OGFRL1: variants seen among roughly 807,000 people sequenced by gnomAD.
OGFRL1 encodes opioid growth factor receptor-like protein 1.
A neutral mutation model predicts 32.4 loss-of-function variants in OGFRL1; 26 were observed. The ratio of observed to expected loss-of-function variants is 0.80; its 90% CI spans 0.59 to 1.11. The LOEUF is 1.11. Ranked by LOEUF, OGFRL1 falls within the 50% of genes most tolerant of loss-of-function variation. The pLI, the probability that OGFRL1 is intolerant of heterozygous loss-of-function variation, is 0.00. For missense variants in OGFRL1, 521 were observed against 546.4 expected, an observed-to-expected ratio of 0.95 and a Z score of 0.46; for synonymous variants, 211 against 201.2, an observed-to-expected ratio of 1.05 and a Z score of -0.41.
rs1766611101 is a variant in OGFRL1, at chr6:71,308,110, C to T, written c.*6061C>T. 1 of 152,208 alleles carries T rather than the reference C, an allele frequency of 6.6e-6. No homozygotes were observed. Among genetic ancestry groups the T allele is most frequent in the Non-Finnish European group, 1.5e-5 (1 of 68,038 alleles). The allele number at this position is 152,208 out of a possible 1,614,324, so 9.4% of individuals were successfully genotyped here. ...CCTCCAGTAGACTGATAGATGTAAT[C>T]AAATGATCAGCTACCAAGTTTAATT... On this transcript the variant is annotated 3_prime_UTR_variant, in exon 7 of 7. Transcript: ENST00000370435.
chr6:71,296,667 A>T lies in OGFRL1; in HGVS notation c.547-5A>T. ...TCAGGTGACTTTTTTCATTTTTTAT[A>T]TTAGGAATTCAAAAAAACAAAAGAA... On this transcript the variant is annotated splice_region_variant and splice_polypyrimidine_tract_variant and intron_variant, in intron 5 of 6. Transcript: ENST00000370435. The T allele has an allele frequency of 6.2e-7, 1 of 1,608,914 alleles. No homozygotes were observed. Among genetic ancestry groups the T allele is most frequent in the Non-Finnish European group, 8.5e-7 (1 of 1,178,250 alleles).
intron 1 of OGFRL1, among the ~76,000 whole-genome samples, chr6:71,290,637 C>A (rs1766022146): frequency 6.6e-6 from 1 of 152,202 alleles, no homozygotes; most frequent in African/African-American, 2.4e-5. Flanking sequence ...CCCAAAAAAT[C>A]TGCTTTTCAA....
Position 71,296,327 on chromosome 6 carries a change from TGAA to T in OGFRL1, c.416_418del (p.Glu139del). 6.2e-7 allele frequency: 1 copy of T among 1,600,956 alleles called. No individual in the cohort carries two copies. The highest frequency in any genetic ancestry group is 1.1e-5 in the South Asian group (1 of 90,188). On this transcript the variant is annotated inframe_deletion, in exon 4 of 7. Coordinates refer to ENST00000370435, the MANE Select transcript of OGFRL1 (RefSeq NM_024576.5). ...ATATTTACTATTTAGGTGTTTACATTGAAGAAGTTCTAAGTAAATGGAAAGGAG... is the reference window on the plus strand; with the variant it reads ...ATATTTACTATTTAGGTGTTTACATTGAAGTTCTAAGTAAATGGAAAGGAG...
chr6:71,298,748 T>C (rs1766290719), intron 6 of OGFRL1, among the ~76,000 whole-genome samples: 1 of 152,200 alleles, frequency 6.6e-6, no homozygotes, highest in African/African-American at 2.4e-5. Context: ...TTCTCTAGTT[T>C]AGTTGCAAAA....
chr6:71,289,195 G>T (rs1765959114), intron 1 of OGFRL1, 25 bp downstream of exon 1: 1 of 1,063,056 alleles, frequency 9.4e-7, no homozygotes, highest in Non-Finnish European at 1.1e-6. Flanking sequence ...GGTGGCCTCG[G>T]GTCGGGCTGG....
Position 71,304,805 on chromosome 6 carries a change from T to C in OGFRL1, c.*2756T>C, listed in dbSNP as rs1452243873. The C allele has an allele frequency of 6.6e-6, 1 of 152,086 alleles. No homozygotes were observed. Among genetic ancestry groups the C allele is most frequent in the Non-Finnish European group, 1.5e-5 (1 of 67,936 alleles). 9.4% of individuals were successfully genotyped at this position (152,086 alleles called of 1,614,324 possible). On this transcript the variant is annotated 3_prime_UTR_variant, in exon 7 of 7. Coordinates refer to ENST00000370435, the MANE Select transcript of OGFRL1 (RefSeq NM_024576.5). ...GTGTTTTTAAATGCATATTCATATATAATAGTATGTTTCTTACATTTAATC... is the reference window on the plus strand; with the variant it reads ...GTGTTTTTAAATGCATATTCATATACAATAGTATGTTTCTTACATTTAATC...
At position 71,302,048 on chromosome 6, in the gene OGFRL1, G is replaced by T; in HGVS notation, c.1355G>T (p.Ter452LeuextTer22). Residue 452 changes from the stop codon to leucine (L), a stop_lost, in exon 7 of 7, where the codon TGA becomes TTA. Coordinates refer to ENST00000370435, the MANE Select transcript of OGFRL1 (RefSeq NM_024576.5). The stretch of plus-strand genomic sequence containing the variant: ...TGCCATGATGTTGTACTAGTACAGT[G>T]AATTATCAGAAAACCCAGAAGCCAG... ...TNCHDVVLVQ[*>L] The T allele has an allele frequency of 6.6e-7, 1 of 1,509,920 alleles. No homozygotes were observed. The highest frequency in any genetic ancestry group is 1.4e-5 in the South Asian group (1 of 71,970). 93.5% of individuals were successfully genotyped at this position (1,509,920 alleles called of 1,614,324 possible). A position where few individuals can be genotyped will look rare whatever the true frequency, so the allele number is the denominator to read the frequency against.
chr6:71,297,726 C>T (rs118183923), intron 6 of OGFRL1, among the ~76,000 whole-genome samples: 1,807 of 152,040 alleles, frequency 0.012, 16 homozygotes, highest in Non-Finnish European at 0.018. Context: ...TTTTGTGCAT[C>T]AGTTAACTAT....
At chr6:71,289,341 G>C in intron 1 of OGFRL1, 171 bp downstream of exon 1, 1 of 984,218 alleles carries the variant, frequency 1.0e-6, no homozygotes. Flanking sequence ...GAGCCCGGGG[G>C]CCTGCAGGAG....
chr6:71,288,899 C>A lies in OGFRL1; in HGVS notation c.-38C>A. 2.4e-6 allele frequency: 3 copies of A among 1,260,584 alleles called. No homozygotes were observed. Among genetic ancestry groups the A allele is most frequent in the Non-Finnish European group, 3.0e-6 (3 of 985,092 alleles). 78.1% of individuals were successfully genotyped at this position (1,260,584 alleles called of 1,614,324 possible). A position where few individuals can be genotyped will look rare whatever the true frequency, so the allele number is the denominator to read the frequency against. ...AGAGCGCCTGCCGCAGCTTGCGCCC[C>A]GCAGCCCCGCAGCCCCGCGCCCGCC... On this transcript the variant is annotated 5_prime_UTR_variant, in exon 1 of 7. Coordinates refer to ENST00000370435, the MANE Select transcript of OGFRL1 (RefSeq NM_024576.5).
intron 1 of OGFRL1, chr6:71,289,644 A>G: frequency 1.0e-6 from 1 of 983,620 alleles, no homozygotes; most frequent in Non-Finnish European, 1.2e-6. Flanking sequence ...AGTGGGGTCT[A>G]AGCCGTCAGA....
chr6:71,297,897 C>A (rs1223719619), intron 6 of OGFRL1, among the ~76,000 whole-genome samples: 1 of 151,306 alleles, frequency 6.6e-6, no homozygotes, highest in East Asian at 1.9e-4. Context: ...TGGTGTGCTG[C>A]ACCTATTTAC....
chr6:71,301,831 C>T lies in OGFRL1; in HGVS notation c.1138C>T (p.Pro380Ser). 1 of 1,612,948 alleles carries T rather than the reference C, an allele frequency of 6.2e-7. No homozygotes were observed. Among genetic ancestry groups the T allele is most frequent in the Non-Finnish European group, 8.5e-7 (1 of 1,179,690 alleles). ...PKEPVEETDR[P>S]SPEPSNEAAK... Reference sequence around the variant, plus strand: ...AGAGCCTGTGGAAGAGACAGACAGGCCCAGCCCAGAGCCCAGCAATGAAGC... The same window carrying T: ...AGAGCCTGTGGAAGAGACAGACAGGTCCAGCCCAGAGCCCAGCAATGAAGC... The change falls in exon 7 of 7, where the codon CCC becomes TCC. Residue 380 changes from proline to serine, a missense_variant. Coordinates refer to ENST00000370435, the MANE Select transcript of OGFRL1 (RefSeq NM_024576.5).
intron 6 of OGFRL1, among the ~76,000 whole-genome samples, chr6:71,298,241 C>T (rs1168246328): frequency 6.6e-6 from 1 of 151,966 alleles, no homozygotes; most frequent in African/African-American, 2.4e-5. Context: ...TCTACCTAAG[C>T]AATACAGGTA....
chr6:71,290,820 A>C (rs1431262831), intron 1 of OGFRL1, among the ~76,000 whole-genome samples: 1 of 152,252 alleles, frequency 6.6e-6, no homozygotes. Context: ...ACATTAACCA[A>C]GACAGGGAAG....
intron 6 of OGFRL1, 123 bp downstream of exon 6, chr6:71,296,940 T>C (rs1766230509): frequency 9.3e-7 from 1 of 1,075,884 alleles, no homozygotes; most frequent in Non-Finnish European, 1.3e-6. Context: ...ATTAAAAAGC[T>C]AGTCTGAAAT....
intron 3 of OGFRL1, among the ~76,000 whole-genome samples, chr6:71,294,685 G>A (rs1241128833): frequency 6.6e-6 from 1 of 152,078 alleles, no homozygotes; most frequent in Non-Finnish European, 1.5e-5. Context: ...TGAAACCTCT[G>A]GATAAAATTG....
In OGFRL1 at chr6:71,301,367, A is replaced by G; in HGVS notation, c.693-19A>G. ...ACACCTGATTTCCCCCACTCATTTT[A>G]TTCAATCCTCTCTTCCAGGTCCCAG... On this transcript the variant is annotated intron_variant, in intron 6 of 6. Coordinates refer to ENST00000370435, the MANE Select transcript of OGFRL1 (RefSeq NM_024576.5). 6.5e-7 allele frequency: 1 copy of G among 1,534,340 alleles called. No individual in the cohort carries two copies.
Position 71,301,906 on chromosome 6 carries a change from T to G in OGFRL1, c.1213T>G (p.Ser405Ala), listed in dbSNP as rs200057637. ...EKDSNAENMN[S>A]QPEKTVTTPT... ...GGACAGTAATGCTGAGAACATGAAT[T>G]CTCAACCTGAGAAAACAGTTACTAC... is the stretch of plus-strand genomic sequence containing the variant. The change falls in exon 7 of 7, where the codon TCT (serine) becomes GCT (alanine). Residue 405 changes from serine to alanine, a missense_variant. Ser to Ala is a moderately conservative substitution (Grantham distance 99, BLOSUM62 1). Coordinates refer to ENST00000370435, the MANE Select transcript of OGFRL1 (RefSeq NM_024576.5). 149 of 1,613,714 alleles carry G rather than the reference T, an allele frequency of 9.2e-5. No individual in the cohort carries two copies. The highest frequency in any genetic ancestry group is 1.6e-4 in the Middle Eastern group (1 of 6,078).
Sources: allele counts gnomAD v4.1 joint callset (sites outside exome capture counted in the v4.1 genomes callset), GRCh38; gene constraint gnomAD v4.1.1; transcripts MANE v1.5; gene names NCBI Gene and HGNC (gene_info 2026-07-23, HGNC 2026-07-21).